Variants in UNC5D observed in about 807,000 individuals in gnomAD.
The protein encoded by UNC5D is unc-5 netrin receptor D, also known as netrin receptor UNC5D.
In UNC5D, 39 loss-of-function variants were observed where a neutral mutation model predicts 105.4. That is an observed-to-expected ratio of 0.37 (90% CI 0.29 to 0.48). The LOEUF is 0.48. Ranked by LOEUF, UNC5D falls within the 20% of genes least tolerant of loss-of-function variation. The pLI is 0.98. For synonymous variants in UNC5D, 452 were observed against 450.4 expected (o/e 1.00, Z -0.04); for missense variants, 991 against 1,202.4 (o/e 0.82, Z 2.60).
intron 4 of UNC5D, among the ~76,000 whole-genome samples, chr8:35,622,071 C>T (rs369407567): frequency 3.3e-5 from 5 of 152,096 alleles, no homozygotes; most frequent in African/African-American, 9.6e-5. Flanking sequence ...GGGCCGGGCG[C>T]GGTGGCTCAC....
At chr8:35,528,191 C>T (rs1487311706) in intron 1 of UNC5D, among the ~76,000 whole-genome samples, 1 of 150,560 alleles carries the variant, frequency 6.6e-6, no homozygotes, top group Admixed American at 6.6e-5. Context: ...TGCTATCCCT[C>T]CCCGCTCCCC....
At chr8:35,760,232 C>T (rs944177907) in intron 14 of UNC5D, among the ~76,000 whole-genome samples, 12 of 151,746 alleles carry the variant, frequency 7.9e-5, no homozygotes, top group South Asian at 2.1e-4. Context: ...TTAGTAGAGA[C>T]GGGGTTTGCC....
chr8:35,650,176 A>G (rs1823315436), intron 4 of UNC5D, among the ~76,000 whole-genome samples: 1 of 152,236 alleles, frequency 6.6e-6, no homozygotes, highest in South Asian at 2.1e-4. Context: ...CTTAACCTGT[A>G]TCAGAAAAAT....
chr8:35,507,658 T>TA (rs1436260657), intron 1 of UNC5D, among the ~76,000 whole-genome samples: 4 of 151,722 alleles, frequency 2.6e-5, no homozygotes, highest in Middle Eastern at 3.4e-3. Context: ...GGTTAATGGG[T>TA]AAAAAAAATA....
intron 4 of UNC5D, among the ~76,000 whole-genome samples, chr8:35,681,356 C>A (rs750527290): frequency 4.6e-5 from 7 of 152,278 alleles, no homozygotes; most frequent in Middle Eastern, 3.4e-3. Context: ...CTATTTTACC[C>A]ATTCATTGTA....
intron 3 of UNC5D, among the ~76,000 whole-genome samples, chr8:35,570,850 C>A (rs1586157122): frequency 6.6e-6 from 1 of 151,860 alleles, no homozygotes; most frequent in Admixed American, 6.6e-5. Context: ...CCCAGCTACT[C>A]GGGAGGCTGA....
intron 1 of UNC5D, among the ~76,000 whole-genome samples, chr8:35,438,138 C>G (rs1402630509): frequency 6.6e-6 from 1 of 151,872 alleles, no homozygotes; most frequent in Non-Finnish European, 1.5e-5. Flanking sequence ...AAAACCCACA[C>G]AGATTAGTTG....
At chr8:35,358,060 C>T (rs938509220) in intron 1 of UNC5D, among the ~76,000 whole-genome samples, 1 of 152,142 alleles carries the variant, frequency 6.6e-6, no homozygotes, top group African/African-American at 2.4e-5. Flanking sequence ...TTTTCTCCTG[C>T]CCCCAGATCT....
rs746660110 is a variant in UNC5D at position 35,726,165 on chromosome 8, C to T, written c.1317C>T (p.Leu439=). 2 of 1,608,434 alleles carry T rather than the reference C, an allele frequency of 1.2e-6. No homozygotes were observed. The highest frequency in any genetic ancestry group is 2.2e-5 in the South Asian group (2 of 90,976). Residue 439 remains leucine (L), a synonymous_variant, in exon 10 of 17, where the codon CTC becomes CTT. Transcript: ENST00000404895. The part of the protein sequence containing the change: ...FKTVRQGNSL[L]LNSAMQPDLT... ...TTCTTTTACCAGGTAACTCCCTGCTCCTGAATTCTGCCATGCAGCCAGATC... is the reference window on the plus strand; with the variant it reads ...TTCTTTTACCAGGTAACTCCCTGCTTCTGAATTCTGCCATGCAGCCAGATC...
intron 1 of UNC5D, among the ~76,000 whole-genome samples, chr8:35,260,626 G>A (rs1804424112): frequency 6.6e-6 from 1 of 152,086 alleles, no homozygotes; most frequent in Admixed American, 6.6e-5. Flanking sequence ...GCCATACCGA[G>A]CTAATTGTTT....
At chr8:35,426,778 A>G (rs1806277605) in intron 1 of UNC5D, among the ~76,000 whole-genome samples, 1 of 152,176 alleles carries the variant, frequency 6.6e-6, no homozygotes, top group Non-Finnish European at 1.5e-5. Context: ...ATGTTCCAGA[A>G]CCATTATTGT....
At chr8:35,674,845 A>ACAAT (rs765341897) in intron 4 of UNC5D, among the ~76,000 whole-genome samples, 1 of 152,196 alleles carries the variant, frequency 6.6e-6, no homozygotes, top group Non-Finnish European at 1.5e-5. Flanking sequence ...TCACAAAAGC[A>ACAAT]CAATCAATCA....
chr8:35,731,090 A>T lies in UNC5D; in HGVS notation c.1760A>T (p.Glu587Val). The T allele has an allele frequency of 6.2e-7, 1 of 1,613,828 alleles. No homozygotes were observed. Among genetic ancestry groups the T allele is most frequent in the Non-Finnish European group, 8.5e-7 (1 of 1,179,806 alleles). Residue 587 changes from glutamate (E) to valine (V), a missense_variant, in exon 11 of 17, where the codon GAA becomes GTA. Transcript: ENST00000404895. ...WEIYMSINQG[E>V]PSLQSDGSEV... Reference sequence around the variant, plus strand: ...ATTTATATGTCCATCAACCAAGGTGAACCCAGGTGAGAGACAGAGAATAGC... The same window carrying T: ...ATTTATATGTCCATCAACCAAGGTGTACCCAGGTGAGAGACAGAGAATAGC...
At chr8:35,279,723 A>C (rs1806014250) in intron 1 of UNC5D, among the ~76,000 whole-genome samples, 1 of 152,184 alleles carries the variant, frequency 6.6e-6, no homozygotes, top group Admixed American at 6.5e-5. Context: ...ATAGGCAATG[A>C]ACTTGCTTTG....
intron 1 of UNC5D, among the ~76,000 whole-genome samples, chr8:35,521,250 G>C (rs1450784903): frequency 1.3e-5 from 2 of 152,072 alleles, no homozygotes. Flanking sequence ...TGAGAGGTGA[G>C]AGAAAATAAC....
intron 4 of UNC5D, among the ~76,000 whole-genome samples, chr8:35,616,718 G>A (rs1821047468): frequency 6.6e-6 from 1 of 152,108 alleles, no homozygotes; most frequent in Non-Finnish European, 1.5e-5. Flanking sequence ...CCAACATAGG[G>A]TTTTTCAAAA....
intron 4 of UNC5D, among the ~76,000 whole-genome samples, chr8:35,649,240 A>C (rs1823257209): frequency 6.6e-6 from 1 of 152,182 alleles, no homozygotes; most frequent in Non-Finnish European, 1.5e-5. Context: ...CCTTCAACTC[A>C]GACCATGCAG....
chr8:35,329,720 C>CA (rs1239150527), intron 1 of UNC5D, among the ~76,000 whole-genome samples: 4 of 152,114 alleles, frequency 2.6e-5, no homozygotes, highest in African/African-American at 9.7e-5. Flanking sequence ...GCAATTGCCC[C>CA]AGGAGGCCCT....
chr8:35,269,768 A>G (rs1282973590), intron 1 of UNC5D, among the ~76,000 whole-genome samples: 1 of 152,168 alleles, frequency 6.6e-6, no homozygotes, highest in Non-Finnish European at 1.5e-5. Flanking sequence ...TCATCTGAAC[A>G]ATGACCCAGT....
Sources: gnomAD v4.1 joint callset for allele counts (sites outside exome capture counted in the v4.1 genomes callset) on GRCh38, gnomAD v4.1.1 for gene constraint, MANE v1.5 for transcripts, NCBI Gene and HGNC (gene_info 2026-07-23, HGNC 2026-07-21) for gene names.